The following DAB2 variants were observed in gnomAD, a reference collection of about 807,000 sequenced individuals.
The protein encoded by DAB2 is disabled homolog 2.
Under a neutral mutation model 71.6 loss-of-function variants are expected in DAB2, and 28 were observed. That is an observed-to-expected ratio of 0.39 (90% CI 0.29 to 0.54). The LOEUF (loss-of-function observed/expected upper bound fraction) is 0.54, where lower values mean the gene tolerates loss of function less well. Among genes scored for constraint, DAB2 ranks in the 20% least tolerant of loss-of-function variants. DAB2 has a pLI of 0.68. For missense variants in DAB2, 867 were observed against 928.8 expected (o/e 0.93, Z 0.86); for synonymous variants, 345 against 339.7 (o/e 1.02, Z -0.17).
At chr5:39,374,981 C>T (rs767575906) in intron 14 of DAB2, 33 bp downstream of exon 14, 2 of 1,418,506 alleles carry the variant, frequency 1.4e-6, no homozygotes, top group East Asian at 2.3e-5. Flanking sequence ...CACAAAAACC[C>T]CTGAGACAGG....
intron 1 of DAB2, among the ~76,000 whole-genome samples, chr5:39,415,946 T>C (rs538896798): frequency 2.0e-5 from 3 of 152,310 alleles, no homozygotes; most frequent in African/African-American, 7.2e-5. Context: ...CAGCTTAGAA[T>C]GAAGCTAAGA....
chr5:39,396,037 G>A (rs1032807835), intron 1 of DAB2, among the ~76,000 whole-genome samples: 4 of 130,490 alleles, frequency 3.1e-5, no homozygotes, highest in African/African-American at 8.6e-5. Context: ...CCACCTCCCG[G>A]GTTCAAGCGA....
intron 10 of DAB2, among the ~76,000 whole-genome samples, chr5:39,382,070 C>T (rs67965142): frequency 0.035 from 5,317 of 152,234 alleles, 116 homozygotes; most frequent in Middle Eastern, 0.044. Context: ...AAAAAAGACA[C>T]CTATGGGAAC....
intron 10 of DAB2, among the ~76,000 whole-genome samples, chr5:39,382,254 A>C (rs151160366): frequency 1.4e-4 from 21 of 152,336 alleles, no homozygotes; most frequent in African/African-American, 4.6e-4. Flanking sequence ...GGCATGTGTT[A>C]GTGTCAGGGA....
intron 11 of DAB2, among the ~76,000 whole-genome samples, chr5:39,379,266 C>G (rs1203931024): frequency 6.6e-6 from 1 of 151,880 alleles, no homozygotes; most frequent in Non-Finnish European, 1.5e-5. Flanking sequence ...CCAACCTGGC[C>G]AACGTGGCGA....
rs1439085886 is a variant in DAB2 at position 39,371,774 on chromosome 5, T to A, written c.*1657A>T. The A allele has an allele frequency of 6.6e-6, 1 of 152,218 alleles. No homozygotes were observed. The highest frequency in any genetic ancestry group is 2.4e-5 in the African/African-American group (1 of 41,460). 9.4% of individuals were successfully genotyped at this position (152,218 alleles called of 1,614,324 possible). On this transcript the variant is annotated 3_prime_UTR_variant, in exon 15 of 15. Transcript: ENST00000320816. ...AATAAGTATGTACAAAACAGTTGTG[T>A]GGCTGATCATGACTTTCAAAAATTC...
rs1220897157 is a variant in DAB2 at position 39,422,887 on chromosome 5, C to A, written c.-102+1917G>T. ...CAGTTTAATCTGAAACTATAAAAGT[C>A]TTTAGCAGAAACACAAACTCTGGAG... is the stretch of plus-strand genomic sequence containing the variant. On this transcript the variant is annotated intron_variant, in intron 1 of 14. Transcript: ENST00000320816. The surrounding 1 kb of genome is among the most constrained non-coding windows in gnomAD (Gnocchi z 4.1). 6.6e-6 allele frequency among the ~76,000 whole-genome samples: 1 copy of A among 152,170 alleles called. No homozygotes were observed. Among genetic ancestry groups the A allele is most frequent in the Non-Finnish European group, 1.5e-5 (1 of 68,034 alleles).
At chr5:39,393,838 TA>T (rs1198182202) in intron 2 of DAB2, among the ~76,000 whole-genome samples, 1 of 152,228 alleles carries the variant, frequency 6.6e-6, no homozygotes, top group African/African-American at 2.4e-5. Flanking sequence ...ATTATTAAGA[TA>T]ATTATCCCAT....
At chr5:39,379,296 T>C (rs564695491) in intron 11 of DAB2, among the ~76,000 whole-genome samples, 3 of 151,832 alleles carry the variant, frequency 2.0e-5, no homozygotes, top group Admixed American at 6.6e-5. Context: ...TCTACTAACA[T>C]ACAAAAATTA....
rs1316491382 is a variant in DAB2, at chr5:39,376,969, A to C, written c.1818T>G (p.Thr606=). The part of the protein sequence containing the change: ...SNIFPAPAVS[T]QPPSMHSSLL... The stretch of plus-strand genomic sequence containing the variant: ...GAGAGGAGTGCATGGATGGGGGCTG[A>C]GTGGACACAGCAGGAGCTGGAAAAA... Residue 606 remains threonine (T), a synonymous_variant, in exon 12 of 15, where the codon ACT becomes ACG. Transcript: ENST00000320816. 1.9e-6 allele frequency: 3 copies of C among 1,614,002 alleles called. No homozygotes were observed. Among genetic ancestry groups the C allele is most frequent in the Non-Finnish European group, 2.5e-6 (3 of 1,180,018 alleles).
intron 1 of DAB2, among the ~76,000 whole-genome samples, chr5:39,411,597 G>T (rs1408182303): frequency 6.6e-6 from 1 of 152,146 alleles, no homozygotes; most frequent in Non-Finnish European, 1.5e-5. Context: ...CTCCTATGTA[G>T]GCATTTTTAG....
intron 1 of DAB2, among the ~76,000 whole-genome samples, chr5:39,413,829 G>A (rs1344416797): frequency 6.6e-6 from 1 of 152,168 alleles, no homozygotes; most frequent in African/African-American, 2.4e-5. Context: ...TTAAAATGTA[G>A]GCATAAGTCT....
Position 39,393,431 on chromosome 5 carries a change from T to C in DAB2, c.92-38A>G. The C allele has an allele frequency of 1.9e-6, 3 of 1,609,696 alleles. 1 individual carries two copies. Among genetic ancestry groups the C allele is most frequent in the South Asian group, 2.2e-5 (2 of 90,452 alleles). On this transcript the variant is annotated intron_variant, in intron 2 of 14. Transcript: ENST00000320816. ...AGGAATACAGGATGAAGAATGCTAG[T>C]TCTAATTATGACCAAATATGCTCTA...
intron 1 of DAB2, among the ~76,000 whole-genome samples, chr5:39,419,335 A>G (rs1272934250): frequency 2.0e-5 from 3 of 152,226 alleles, no homozygotes. Flanking sequence ...CATAGTAGGT[A>G]ATTGCTAAGT....
chr5:39,393,219 TTAATA>T (rs1755277970), intron 3 of DAB2, 30 bp downstream of exon 3: 1 of 1,606,482 alleles, frequency 6.2e-7, no homozygotes, highest in African/African-American at 1.3e-5. Flanking sequence ...GGACTTTTGC[TTAATA>T]TACAGATAAA....
At chr5:39,395,350 G>C (rs1755335394) in intron 1 of DAB2, among the ~76,000 whole-genome samples, 1 of 152,126 alleles carries the variant, frequency 6.6e-6, no homozygotes, top group African/African-American at 2.4e-5. Context: ...CTGTGGGCTG[G>C]CACACTAACC....
intron 1 of DAB2, among the ~76,000 whole-genome samples, chr5:39,409,256 T>C (rs1006113157): frequency 3.9e-5 from 6 of 152,160 alleles, no homozygotes; most frequent in African/African-American, 7.2e-5. Flanking sequence ...TGTTGGGAAA[T>C]AGTATTGGAA....
intron 1 of DAB2, among the ~76,000 whole-genome samples, chr5:39,421,717 T>C (rs1755990760): frequency 6.6e-6 from 1 of 152,104 alleles, no homozygotes; most frequent in Non-Finnish European, 1.5e-5. Context: ...GATATGCTGA[T>C]ATTATGAGTT....
Position 39,389,024 on chromosome 5 carries a change from G to A in DAB2, c.570+73C>T, listed in dbSNP as rs1755162589. On this transcript the variant is annotated intron_variant, in intron 7 of 14. Transcript: ENST00000320816. ...AGTAATAAGCGAGGTGGCGAGAGTGGTTGGGCAGGTAGAAAACAGGGGCTT... is the reference window on the plus strand; with the variant it reads ...AGTAATAAGCGAGGTGGCGAGAGTGATTGGGCAGGTAGAAAACAGGGGCTT... 2.7e-6 allele frequency: 4 copies of A among 1,456,058 alleles called. No homozygotes were observed. The South Asian group carries it at 4.6e-5, about 17-fold the overall frequency. 90.2% of individuals were successfully genotyped at this position (1,456,058 alleles called of 1,614,324 possible).
Sources: gnomAD v4.1 joint callset for allele counts (sites outside exome capture counted in the v4.1 genomes callset) on GRCh38, gnomAD v4.1.1 for gene constraint, Gnocchi (gnomAD v3.1) non-coding constraint, MANE v1.5 for transcripts, NCBI Gene and HGNC (gene_info 2026-07-23, HGNC 2026-07-21) for gene names.